Variants in NWD1 observed in about 807,000 individuals in gnomAD.
NWD1 encodes the protein NACHT and WD repeat domain containing 1.
A neutral mutation model predicts 135.1 loss-of-function variants in NWD1; 129 were observed. That is an observed-to-expected ratio of 0.96 (90% confidence interval 0.83 to 1.11). The LOEUF (loss-of-function observed/expected upper bound fraction) is 1.11, where lower values mean the gene tolerates loss of function less well. Ranked by LOEUF, NWD1 falls within the 50% of genes least tolerant of loss-of-function variation. The pLI is 0.00. For missense variants in NWD1, 1,740 were observed against 1,851.3 expected (o/e 0.94, Z 1.10); for synonymous variants, 773 against 786.0 (o/e 0.98, Z 0.28).
chr19:16,745,841 C>T (rs148603782), intron 5 of NWD1, among the ~76,000 whole-genome samples: 61 of 152,178 alleles, frequency 4.0e-4, no homozygotes, highest in African/African-American at 1.2e-3. Context: ...CGCTGGAGCC[C>T]GGGAGTTGGA....
intron 18 of NWD1, among the ~76,000 whole-genome samples, chr19:16,813,696 T>TG: frequency 6.6e-6 from 1 of 152,110 alleles, no homozygotes; most frequent in East Asian, 1.9e-4. Flanking sequence ...AGGCTGGTCT[T>TG]GAACTCCTGA....
At chr19:16,788,857 C>T (rs1970145277) in intron 12 of NWD1, 125 bp from the exon 13 acceptor site, 1 of 720,512 alleles carries the variant, frequency 1.4e-6, no homozygotes, top group Non-Finnish European at 2.5e-6. Context: ...ATGACTTTCA[C>T]AATTCAATTC....
intron 5 of NWD1, among the ~76,000 whole-genome samples, chr19:16,746,565 C>T (rs62118246): frequency 0.25 from 38,193 of 151,664 alleles, 5,217 homozygotes; most frequent in Middle Eastern, 0.41. Flanking sequence ...CCCAGCTACT[C>T]GGGAGGCTGA....
At chr19:16,731,524 C>T (rs1967566121) in intron 3 of NWD1, among the ~76,000 whole-genome samples, 1 of 150,916 alleles carries the variant, frequency 6.6e-6, no homozygotes, top group South Asian at 2.1e-4. Context: ...CCAGGATGGT[C>T]TTGATCTCTT....
intron 18 of NWD1, among the ~76,000 whole-genome samples, chr19:16,809,698 G>A (rs1404998242): frequency 6.6e-6 from 1 of 151,494 alleles, no homozygotes; most frequent in Non-Finnish European, 1.5e-5. Flanking sequence ...GGGACTACAG[G>A]TGCCCGCCAC....
intron 3 of NWD1, among the ~76,000 whole-genome samples, chr19:16,734,559 C>CTTTTTTTTTTTTT (rs58061957): frequency 7.3e-6 from 1 of 137,014 alleles, no homozygotes; most frequent in African/African-American, 2.7e-5. Context: ...GATTTTCTTT[C>CTTTTTTTTTTTTT]TTTTTTTTTT....
Position 16,759,408 on chromosome 19 carries a change from C to T in NWD1, c.1953C>T (p.Thr651=), listed in dbSNP as rs769000946. 7 of 1,570,728 alleles carry T rather than the reference C, an allele frequency of 4.5e-6. No individual in the cohort carries two copies. The South Asian group carries it at 8.0e-5, about 18-fold the overall frequency. Residue 651 remains threonine (T), a synonymous_variant, in exon 7 of 19, where the codon ACC becomes ACT. Transcript: ENST00000524140. The part of the protein sequence containing the change: ...YLARRPVDGF[T]LLAIAHRQLV... ...CCCGGCGGCCCGTGGATGGCTTCAC[C>T]CTCCTGGCCATTGCCCACAGGTAGG...
chr19:16,756,689 C>T (rs1599475267), intron 6 of NWD1, among the ~76,000 whole-genome samples: 1 of 152,098 alleles, frequency 6.6e-6, no homozygotes, highest in African/African-American at 2.4e-5. Context: ...GTGGAGACTG[C>T]TACACATCCT....
In NWD1 at chr19:16,731,299, G is replaced by C. The variant is rs8107871; in HGVS notation, c.81+21G>C. On this transcript the variant is annotated intron_variant, in intron 3 of 18. Transcript: ENST00000524140. ...TTGAGGTAACTGGAAGTCACTCCGG[G>C]CTCCATGCTTTTTTTATTTTTTTTT... The C allele has an allele frequency of 5.4e-3, 7,767 of 1,433,810 alleles. 349 individuals are homozygous for C. The African/African-American group carries it at 0.098, about 18-fold the overall frequency. 88.8% of individuals were successfully genotyped at this position (1,433,810 alleles called of 1,614,324 possible).
chr19:16,808,047 G>A lies in NWD1; in HGVS notation c.4198G>A (p.Glu1400Lys), dbSNP rs1412556702. 9 of 1,614,148 alleles carry A rather than the reference G, an allele frequency of 5.6e-6. No homozygotes were observed. Among genetic ancestry groups the A allele is most frequent in the Non-Finnish European group, 7.6e-6 (9 of 1,180,018 alleles). Residue 1400 changes from glutamate (E) to lysine (K), a missense_variant, in exon 18 of 19, where the codon GAG (glutamate) becomes AAG (lysine). Glu to Lys is a moderately conservative substitution (Grantham distance 56). Coordinates refer to ENST00000524140, the MANE Select transcript of NWD1 (RefSeq NM_001007525.5). ...TGCCTGTGTGGAGGTCAGCCACAAG[G>A]AGCAGCTGGTGGTCAGCGGGTCTGA... Reference protein sequence around the residue: ...RVACVEVSHKEQLVVSGSEDA... With the variant: ...RVACVEVSHKKQLVVSGSEDA...
rs1329416971 is a variant in NWD1 at position 16,808,150 on chromosome 19, C to T, written c.4287+14C>T. The T allele has an allele frequency of 6.2e-7, 1 of 1,610,520 alleles. No homozygotes were observed. The highest frequency in any genetic ancestry group is 1.3e-5 in the African/African-American group (1 of 74,952). On this transcript the variant is annotated intron_variant, in intron 18 of 18. Coordinates refer to ENST00000524140, the MANE Select transcript of NWD1 (RefSeq NM_001007525.5). The stretch of plus-strand genomic sequence containing the variant: ...ATGAGCTACACGGTGGGTGGCCCGC[C>T]TCCCCATGTTCATGCTAGACCCAGG...
intron 16 of NWD1, among the ~76,000 whole-genome samples, chr19:16,798,677 G>A (rs977542258): frequency 1.3e-5 from 2 of 152,098 alleles, no homozygotes; most frequent in Non-Finnish European, 2.9e-5. Flanking sequence ...CAGGCTGGAG[G>A]GCAGTGTGGC....
chr19:16,764,466 ACCATCCAT>A (rs372770895), intron 9 of NWD1, among the ~76,000 whole-genome samples: 12 of 148,098 alleles, frequency 8.1e-5, no homozygotes, highest in African/African-American at 2.2e-4. Flanking sequence ...GCTGGTTATA[ACCATCCAT>A]CCATCCATCC....
chr19:16,769,011 T>A lies in NWD1; in HGVS notation c.2410+3819T>A, dbSNP rs12974313. On this transcript the variant is annotated intron_variant, in intron 10 of 18. Coordinates refer to ENST00000524140, the MANE Select transcript of NWD1 (RefSeq NM_001007525.5). ...TTGGATTCATTCTTACCCTTTGGTT[T>A]ATTTTCCATACAGCACTCAGAAGAA... 4.8e-3 allele frequency among the ~76,000 whole-genome samples: 734 copies of A among 152,316 alleles called. 1 individual carries two copies. Among genetic ancestry groups the A allele is most frequent in the Non-Finnish European group, 7.8e-3 (528 of 68,028 alleles).
Position 16,762,038 on chromosome 19 carries a change from A to G in NWD1, c.2033A>G (p.His678Arg). The G allele has an allele frequency of 2.5e-6, 4 of 1,613,900 alleles. No individual in the cohort carries two copies. The highest frequency in any genetic ancestry group is 3.4e-6 in the Non-Finnish European group (4 of 1,179,806). Reference sequence around the variant, plus strand: ...TCAGGATCCGAGAGAGCCAAGAGGCATGGCGTCCTGGCCGACTTCTTCTCA... The same window carrying G: ...TCAGGATCCGAGAGAGCCAAGAGGCGTGGCGTCCTGGCCGACTTCTTCTCA... Reference protein sequence around the residue: ...YLSGSERAKRHGVLADFFSGT... With the variant: ...YLSGSERAKRRGVLADFFSGT... Residue 678 changes from histidine to arginine, a missense_variant, in exon 8 of 19, where the codon CAT becomes CGT. His to Arg is a conservative substitution (Grantham distance 29). Transcript: ENST00000524140.
chr19:16,772,918 G>A (rs1193741883), intron 10 of NWD1, among the ~76,000 whole-genome samples: 1 of 152,114 alleles, frequency 6.6e-6, no homozygotes, highest in Non-Finnish European at 1.5e-5. Flanking sequence ...GGCAAAGGCT[G>A]GAGACTGGAA....
chr19:16,763,417 A>G (rs1035150448), intron 8 of NWD1, among the ~76,000 whole-genome samples: 10 of 151,962 alleles, frequency 6.6e-5, no homozygotes, highest in African/African-American at 2.2e-4. Flanking sequence ...TCCCACCCGC[A>G]TCCCCTAACC....
intron 14 of NWD1, among the ~76,000 whole-genome samples, chr19:16,793,811 G>A (rs1039431569): frequency 2.6e-4 from 40 of 151,226 alleles, no homozygotes; most frequent in African/African-American, 8.7e-4. Context: ...TCCTGACCTC[G>A]AGTGATCCAC....
intron 14 of NWD1, among the ~76,000 whole-genome samples, chr19:16,793,069 A>T (rs1026061729): frequency 6.6e-6 from 1 of 151,644 alleles, no homozygotes; most frequent in Non-Finnish European, 1.5e-5. Context: ...ATAAAAAAAA[A>T]AAGAAAAGAA....
Sources: allele counts gnomAD v4.1 joint callset (sites outside exome capture counted in the v4.1 genomes callset), GRCh38; gene constraint gnomAD v4.1.1; transcripts MANE v1.5; gene names NCBI Gene and HGNC (gene_info 2026-07-23, HGNC 2026-07-21).